The following LARP1 variants were observed in gnomAD, a reference collection of about 807,000 sequenced individuals.
The protein encoded by LARP1 is La ribonucleoprotein 1, translational regulator.
LARP1 carries 36 observed loss-of-function variants against 122.7 expected under a neutral mutation model. The observed-to-expected ratio is 0.29, with a 90% CI of 0.22 to 0.39. The LOEUF is 0.39. Ranked by LOEUF, LARP1 falls within the 10% of genes least tolerant of loss-of-function variation. The probability of loss-of-function intolerance (pLI) is 1.00; values close to 1 mark genes in which losing one functional copy is unlikely to be tolerated. For synonymous variants in LARP1, 539 were observed against 528.7 expected (o/e 1.02, Z -0.27); for missense variants, 1,040 against 1,403.6 (o/e 0.74, Z 4.14).
chr5:154,713,018 A>T (rs777220985), exon 1 of LARP1: 1 of 1,613,952 alleles, frequency 6.2e-7, no homozygotes, highest in African/African-American at 1.3e-5. Context: ...GCCCTGGCAG[A>T]CTCCCAGGGA....
At chr5:154,700,461 G>T (rs768054542) in intron 1 of LARP1, among the ~76,000 whole-genome samples, 9 of 152,068 alleles carry the variant, frequency 5.9e-5, no homozygotes, top group Non-Finnish European at 1.2e-4. Flanking sequence ...GAGTCCAGGA[G>T]GTTGAGGCTG....
intron 1 of LARP1, among the ~76,000 whole-genome samples, chr5:154,713,701 G>A (rs937269468): frequency 3.9e-5 from 6 of 152,320 alleles, no homozygotes; most frequent in Non-Finnish European, 7.4e-5. Flanking sequence ...CTGCCTTCAC[G>A]CCCAAGCTGA....
At chr5:154,743,283 G>T (rs1225561795) in intron 1 of LARP1, among the ~76,000 whole-genome samples, 1 of 151,348 alleles carries the variant, frequency 6.6e-6, no homozygotes. Flanking sequence ...ATTATTAACC[G>T]CAAGGGCTAT....
upstream of LARP1, among the ~76,000 whole-genome samples, chr5:154,753,934 A>G (rs930217270): frequency 3.9e-5 from 6 of 152,178 alleles, no homozygotes. Context: ...GATGGCCAAC[A>G]TTCCAGGCTG....
Position 154,793,806 on chromosome 5 carries a change from A to T in LARP1, c.875A>T (p.Glu292Val). 3.1e-6 allele frequency: 5 copies of T among 1,614,102 alleles called. No individual in the cohort carries two copies. Among genetic ancestry groups the T allele is most frequent in the Non-Finnish European group, 4.2e-6 (5 of 1,180,010 alleles). Residue 292 changes from glutamate to valine, a missense_variant, in exon 6 of 19, where the codon GAG becomes GTG. Physicochemically the swap from Glu to Val is moderately radical, Grantham distance 121. Around this residue, in one of 8 missense-constraint regions of LARP1, gnomAD observed 178 missense variants for 178.3 expected, o/e 1.00. Transcript: ENST00000518297. ...GGTACCCCTCTCCCCATAGGGTCTG[A>T]GTCTGCCACCTACGTGCCCGTGGCC... Reference protein sequence around the residue: ...PANRGEIKGSESATYVPVAPP... With the variant: ...PANRGEIKGSVSATYVPVAPP...
Position 154,808,490 on chromosome 5 carries a change from G to A in LARP1, c.2730G>A (p.Gln910=). 2 of 1,613,708 alleles carry A rather than the reference G, an allele frequency of 1.2e-6. No individual in the cohort carries two copies. Among genetic ancestry groups the A allele is most frequent in the South Asian group, 1.1e-5 (1 of 91,052 alleles). The part of the protein sequence containing the change: ...ERKRLGIGQS[Q]EMNTLFRFWS... ...AACGCTTGGGCATTGGCCAGTCTCA[G>A]GAGATGAACACACTCTTCCGCTTCT... Residue 910 remains glutamine, a synonymous_variant, in exon 16 of 19, where the codon CAG becomes CAA. Transcript: ENST00000518297.
At chr5:154,729,645 GA>G in intron 1 of LARP1, 1 of 403,100 alleles carries the variant, frequency 2.5e-6, no homozygotes. Flanking sequence ...GAGAACCAAT[GA>G]ATAGGAGCCT....
At chr5:154,724,676 T>A (rs576407062) in intron 1 of LARP1, among the ~76,000 whole-genome samples, 2 of 151,970 alleles carry the variant, frequency 1.3e-5, no homozygotes, top group Non-Finnish European at 2.9e-5. Flanking sequence ...ATTTTTTTTT[T>A]TTTTTTTAGG....
chr5:154,705,752 A>G (rs769524481), intron 1 of LARP1: 1 of 152,180 alleles, frequency 6.6e-6, no homozygotes, highest in African/African-American at 2.4e-5. Flanking sequence ...AAAATAACAG[A>G]TGCTAGTGAG....
intron 1 of LARP1, among the ~76,000 whole-genome samples, chr5:154,699,511 A>C (rs1582157947): frequency 6.6e-6 from 1 of 152,090 alleles, no homozygotes; most frequent in East Asian, 1.9e-4. Context: ...AAAAAATTTA[A>C]ATAATTAAAA....
At chr5:154,744,124 C>A (rs1316817315) in intron 1 of LARP1, among the ~76,000 whole-genome samples, 1 of 152,128 alleles carries the variant, frequency 6.6e-6, no homozygotes, top group African/African-American at 2.4e-5. Context: ...AAAGGAAAGG[C>A]CTGGGGGAAG....
Position 154,793,716 on chromosome 5 carries a change from G to A in LARP1, c.861G>A (p.Glu287=). ...GACACATACCTGCCAATCGCGGAGA[G>A]ATCAAAGGTATGCACTACCCACTAT... ...EPRHIPANRG[E]IKGSESATYV... The change falls in exon 5 of 19, where the codon GAG becomes GAA. Residue 287 remains glutamate, a synonymous_variant. Coordinates refer to ENST00000518297, the MANE Select transcript of LARP1 (RefSeq NM_033551.3). 2 of 1,614,176 alleles carry A rather than the reference G, an allele frequency of 1.2e-6. No individual in the cohort carries two copies. Among genetic ancestry groups the A allele is most frequent in the East Asian group, 2.2e-5 (1 of 44,880 alleles).
upstream of LARP1, among the ~76,000 whole-genome samples, chr5:154,753,527 C>A (rs1753615369): frequency 6.6e-6 from 1 of 152,198 alleles, no homozygotes; most frequent in African/African-American, 2.4e-5. Flanking sequence ...TTAGTAGATT[C>A]CTGGTTTAAT....
At position 154,756,184 on chromosome 5, in the gene LARP1, T is replaced by C. The variant is rs1232712183; in HGVS notation, c.427T>C (p.Ser143Pro). The change falls in exon 1 of 19, where the codon TCC (serine) becomes CCC (proline). Residue 143 changes from serine (S) to proline (P), a missense_variant. Coordinates refer to ENST00000518297, the MANE Select transcript of LARP1 (RefSeq NM_033551.3). ...PPVLTTVNGQSPPEHSAPAKV... is the reference protein window; with the variant it reads ...PPVLTTVNGQPPPEHSAPAKV... ...GGTCCTGACCACCGTGAACGGACAG[T>C]CCCCCCCAGGTGGGTCTCCCTCCTT... The C allele has an allele frequency of 1.5e-6, 2 of 1,300,394 alleles. No homozygotes were observed. The highest frequency in any genetic ancestry group is 2.0e-6 in the Non-Finnish European group (2 of 990,650). 80.6% of individuals were successfully genotyped at this position (1,300,394 alleles called of 1,614,324 possible).
chr5:154,793,705 A>C lies in LARP1; in HGVS notation c.850A>C (p.Asn284His), dbSNP rs1381189799. Reference protein sequence around the residue: ...RPPEPRHIPANRGEIKGSESA... With the variant: ...RPPEPRHIPAHRGEIKGSESA... Reference sequence around the variant, plus strand: ...ACCGGAGCCTAGACACATACCTGCCAATCGCGGAGAGATCAAAGGTATGCA... The same window carrying C: ...ACCGGAGCCTAGACACATACCTGCCCATCGCGGAGAGATCAAAGGTATGCA... The change falls in exon 5 of 19, where the codon AAT becomes CAT. Residue 284 changes from asparagine (N) to histidine (H), a missense_variant. By Grantham distance (68) the Asn-to-His change is moderately conservative. Coordinates refer to ENST00000518297, the MANE Select transcript of LARP1 (RefSeq NM_033551.3). 6.2e-7 allele frequency: 1 copy of C among 1,614,046 alleles called. No homozygotes were observed. Among genetic ancestry groups the C allele is most frequent in the Admixed American group, 1.7e-5 (1 of 60,008 alleles).
At position 154,799,897 on chromosome 5, in the gene LARP1, C is replaced by T. The variant is rs1330941178; in HGVS notation, c.1571C>T (p.Ala524Val). Reference protein sequence around the residue: ...ETESAPGSPRAVTPVPTKTEE... With the variant: ...ETESAPGSPRVVTPVPTKTEE... ...GAGTCGGCACCTGGCTCTCCTCGTGCAGTCACCCCAGTGCCAACCAAAACA... is the reference window on the plus strand; with the variant it reads ...GAGTCGGCACCTGGCTCTCCTCGTGTAGTCACCCCAGTGCCAACCAAAACA... The change falls in exon 10 of 19, where the codon GCA becomes GTA. Residue 524 changes from alanine to valine, a missense_variant. Physicochemically the swap from Ala to Val is moderately conservative, Grantham distance 64 (BLOSUM62 0). This residue lies in a region of LARP1 where 362 missense variants were observed against 533.1 expected (regional missense o/e 0.68). Transcript: ENST00000518297. The T allele has an allele frequency of 3.1e-6, 5 of 1,614,030 alleles. No individual in the cohort carries two copies. Among genetic ancestry groups the T allele is most frequent in the Admixed American group, 3.3e-5 (2 of 60,012 alleles).
At chr5:154,702,990 G>A (rs186880093) in intron 1 of LARP1, among the ~76,000 whole-genome samples, 2,421 of 151,984 alleles carry the variant, frequency 0.016, 66 homozygotes, top group Admixed American at 0.068. Context: ...GCGTGGTGGC[G>A]CGTGCCTGCA....
intron 16 of LARP1, among the ~76,000 whole-genome samples, chr5:154,810,834 C>T (rs1475890563): frequency 6.6e-6 from 1 of 152,176 alleles, no homozygotes; most frequent in African/African-American, 2.4e-5. Context: ...AATGAACAAA[C>T]CTACTAATTG....
intron 8 of LARP1, among the ~76,000 whole-genome samples, chr5:154,796,147 TTATA>T (rs1017964248): frequency 8.0e-6 from 1 of 125,714 alleles, no homozygotes; most frequent in African/African-American, 3.0e-5. Context: ...TATTTATATA[TTATA>T]TATATATTTT....
Sources: gnomAD v4.1 joint callset for allele counts (sites outside exome capture counted in the v4.1 genomes callset) on GRCh38, gnomAD v4.1.1 for gene constraint, gnomAD v4.1.1 regional missense constraint, MANE v1.5 for transcripts, NCBI Gene and HGNC (gene_info 2026-07-23, HGNC 2026-07-21) for gene names.